The following BPIFB4 variants were observed in gnomAD, a reference collection of about 807,000 sequenced individuals.
BPIFB4 encodes BPI fold containing family B member 4.
A neutral mutation model predicts 69.2 loss-of-function variants in BPIFB4; 62 were observed. That is an observed-to-expected ratio of 0.90 (90% CI 0.73 to 1.11). BPIFB4 has a LOEUF of 1.11. Ranked by LOEUF, BPIFB4 falls within the 50% of genes least tolerant of loss-of-function variation. BPIFB4 has a pLI of 0.00. For missense variants in BPIFB4, 789 were observed against 792.0 expected, an observed-to-expected ratio of 1.00 and a Z score of 0.04; for synonymous variants, 330 against 332.7, an observed-to-expected ratio of 0.99 and a Z score of 0.09.
At position 33,083,686 on chromosome 20, in the gene BPIFB4, TG is replaced by T; in HGVS notation, c.493del (p.Ala165ArgfsTer68). On this transcript the variant is annotated frameshift_variant, in exon 5 of 18. Transcript: ENST00000375483. LOFTEE classifies it high-confidence loss of function. ...GAGAAATCCCACCTGGAGTTGCCAC[TG>T]GGGCGGTGGGCCCAGGTGGTTTGCT... ...PGEIPPGVAT[G>X]AVGPGGLLGT... 6.2e-7 allele frequency: 1 copy of T among 1,613,984 alleles called. No individual in the cohort carries two copies. Among genetic ancestry groups the T allele is most frequent in the Non-Finnish European group, 8.5e-7 (1 of 1,179,950 alleles).
chr20:33,085,119 C>T, intron 6 of BPIFB4, 123 bp downstream of exon 6: 1 of 1,472,980 alleles, frequency 6.8e-7, no homozygotes, highest in East Asian at 2.5e-5. Flanking sequence ...GCACCAGAGG[C>T]CATCTGTCAG....
At chr20:33,083,946 T>C (rs1325089289) in intron 5 of BPIFB4, 72 bp downstream of exon 5, 1 of 1,498,530 alleles carries the variant, frequency 6.7e-7, no homozygotes, top group Admixed American at 2.3e-5. Context: ...TCCCTGAAGC[T>C]GGGGTTGCCG....
chr20:33,083,051 G>A, intron 4 of BPIFB4, 51 bp downstream of exon 4: 2 of 1,537,682 alleles, frequency 1.3e-6, no homozygotes, highest in Non-Finnish European at 1.8e-6. Flanking sequence ...TCTGCTTGGT[G>A]GAAGTGGAAG....
rs531701186 is a variant in BPIFB4 at position 33,091,269 on chromosome 20, T to TA, written c.1143+478dup. ...CATTTAACCATCATCTCTCCATGAT[T>TA]AAAAAAAAGTCCTGATTTGTAGCAT... On this transcript the variant is annotated intron_variant, in intron 10 of 17. Coordinates refer to ENST00000375483, the MANE Select transcript of BPIFB4 (RefSeq NM_182519.3). Among the ~76,000 whole-genome samples the TA allele has an allele frequency of 4.3e-4, 65 of 152,180 alleles. No individual in the cohort carries two copies. In the East Asian group the frequency reaches 0.01, roughly 24 times the overall value.
At chr20:33,088,839 G>A (rs1029696112) in intron 7 of BPIFB4, 127 bp from the exon 8 acceptor site, 19 of 1,513,604 alleles carry the variant, frequency 1.3e-5, no homozygotes, top group African/African-American at 1.2e-4. Flanking sequence ...CCCAGCTTTC[G>A]AACAGTTTTC....
chr20:33,087,963 C>T (rs2146405525), intron 7 of BPIFB4, among the ~76,000 whole-genome samples: 1 of 152,228 alleles, frequency 6.6e-6, no homozygotes, highest in Non-Finnish European at 1.5e-5. Flanking sequence ...TCAGCCACAA[C>T]CTCAGAAGCG....
At chr20:33,097,818 G>T in intron 13 of BPIFB4, 31 bp downstream of exon 13, 1 of 1,577,236 alleles carries the variant, frequency 6.3e-7, no homozygotes, top group South Asian at 1.1e-5. Context: ...GTGGCCTCCA[G>T]CTGGGCCTCA....
At chr20:33,093,647 G>A (rs114507641) in intron 11 of BPIFB4, among the ~76,000 whole-genome samples, 5,137 of 85,542 alleles carry the variant, frequency 0.06, 148 homozygotes, top group African/African-American at 0.13. Flanking sequence ...TCATCAACCC[G>A]ACCATCCATC....
chr20:33,094,666 C>T (rs1981706476), intron 11 of BPIFB4, among the ~76,000 whole-genome samples: 1 of 151,774 alleles, frequency 6.6e-6, no homozygotes, highest in Non-Finnish European at 1.5e-5. Context: ...GCCATCATGC[C>T]CGGCTAATTT....
At chr20:33,088,357 G>GA (rs1334954481) in intron 7 of BPIFB4, among the ~76,000 whole-genome samples, 32 of 139,118 alleles carry the variant, frequency 2.3e-4, no homozygotes, top group Non-Finnish European at 6.3e-5. Flanking sequence ...AAAAAAAAAA[G>GA]AAAAGAAAAA....
In BPIFB4 at chr20:33,108,400, A is replaced by AT. The variant is rs549363198; in HGVS notation, c.1821+580_1821+581insT. Among the ~76,000 whole-genome samples, 808 of 85,232 alleles carry AT rather than the reference A, an allele frequency of 9.5e-3. 10 individuals carry two copies. Among genetic ancestry groups the AT allele is most frequent in the African/African-American group, 0.039 (761 of 19,532 alleles). The allele number at this position is 85,232 out of a possible 152,430, so 55.9% of individuals were successfully genotyped here. On this transcript the variant is annotated intron_variant, in intron 17 of 17. Transcript: ENST00000375483. ...GAAAATATGGAAAAGATTAAAAAAA[A>AT]GTATGCATCCATATATATATGTCTA...
intron 17 of BPIFB4, 26 bp downstream of exon 17, chr20:33,107,846 G>C (rs1174188499): frequency 4.4e-6 from 7 of 1,595,580 alleles, no homozygotes; most frequent in Non-Finnish European, 6.0e-6. Context: ...GCTCCATTCT[G>C]CTTTTCCTCC....
At chr20:33,105,824 C>T (rs1568588886) in intron 16 of BPIFB4, among the ~76,000 whole-genome samples, 1 of 152,130 alleles carries the variant, frequency 6.6e-6, no homozygotes, top group Non-Finnish European at 1.5e-5. Context: ...CTGGGCTGGG[C>T]TGACCTGGGA....
intron 14 of BPIFB4, among the ~76,000 whole-genome samples, 154 bp downstream of exon 14, chr20:33,100,647 C>T (rs1424486661): frequency 1.3e-5 from 2 of 152,190 alleles, no homozygotes; most frequent in Non-Finnish European, 2.9e-5. Flanking sequence ...ACCATTACCA[C>T]TGTCACAAGC....
In BPIFB4 at chr20:33,100,435, T is replaced by C. The variant is rs11699009; in HGVS notation, c.1579T>C (p.Phe527Leu). The C allele has an allele frequency of 0.59, 932,764 of 1,585,668 alleles. 280,713 individuals are homozygous for C. The highest frequency in any genetic ancestry group is 0.68 in the Middle Eastern group (4,080 of 5,976). Residue 527 changes from phenylalanine (F) to leucine (L), a missense_variant, in exon 14 of 18, where the codon TTC (phenylalanine) becomes CTC (leucine). Around this residue, in one of 3 missense-constraint regions of BPIFB4, gnomAD observed 170 missense variants for 193.6 expected, o/e 0.88. Coordinates refer to ENST00000375483, the MANE Select transcript of BPIFB4 (RefSeq NM_182519.3). ...TTTCCTTTCCCTCCAGGACACAGAA[T>C]TCTTGGCCTCATTTTCCACAGAAGG... ...TICLIDVDTE[F>L]LASFSTEGDK...
In BPIFB4 at chr20:33,086,074, G is replaced by A. The variant is rs1398785201; in HGVS notation, c.836G>A (p.Arg279Gln). ...GAAGTGAACATCACAGCCAAGGTCC[G>A]GCTGACCATGGACCGCACGGGTTAT... ...AVEVNITAKV[R>Q]LTMDRTGYPR... Residue 279 changes from arginine (R) to glutamine (Q), a missense_variant, in exon 7 of 18, where the codon CGG (arginine) becomes CAG (glutamine). Transcript: ENST00000375483. The A allele has an allele frequency of 1.3e-5, 21 of 1,613,152 alleles. No homozygotes were observed. The highest frequency in any genetic ancestry group is 4.0e-5 in the African/African-American group (3 of 74,894).
Position 33,089,149 on chromosome 20 carries a change from G to A in BPIFB4, c.990+120G>A, listed in dbSNP as rs1981522978. 8 of 1,481,166 alleles carry A rather than the reference G, an allele frequency of 5.4e-6. No homozygotes were observed. In the South Asian group the frequency reaches 8.7e-5, roughly 16 times the overall value. The allele number at this position is 1,481,166 out of a possible 1,614,324, so 91.8% of individuals were successfully genotyped here. On this transcript the variant is annotated intron_variant, in intron 8 of 17. Transcript: ENST00000375483. ...ACCCAGAGGGACAGAGAGAGCCAAG[G>A]CCTGGGGCATGTATTTGGAGGGTCT...
intron 13 of BPIFB4, among the ~76,000 whole-genome samples, chr20:33,099,660 C>T (rs988066441): frequency 1.3e-5 from 2 of 152,142 alleles, no homozygotes; most frequent in African/African-American, 4.8e-5. Context: ...TACTCTCCCA[C>T]CCTCTTTTCA....
intron 14 of BPIFB4, among the ~76,000 whole-genome samples, chr20:33,102,087 G>A (rs1482170749): frequency 1.3e-5 from 2 of 152,212 alleles, no homozygotes; most frequent in Non-Finnish European, 2.9e-5. Context: ...ATAAGGAGTA[G>A]GGGCCAGCTG....
Sources: gnomAD v4.1 joint callset for allele counts (sites outside exome capture counted in the v4.1 genomes callset) on GRCh38, gnomAD v4.1.1 for gene constraint, gnomAD v4.1.1 regional missense constraint, MANE v1.5 for transcripts, NCBI Gene and HGNC (gene_info 2026-07-23, HGNC 2026-07-21) for gene names.